Variants in URM1 observed in about 807,000 individuals in gnomAD.
URM1 encodes the protein ubiquitin-related modifier 1.
In URM1, 11 loss-of-function variants were observed where a neutral mutation model predicts 17.7. The ratio of observed to expected loss-of-function variants is 0.62; its 90% CI spans 0.39 to 1.03. The LOEUF is 1.03. Ranked by LOEUF, URM1 falls within the 50% of genes least tolerant of loss-of-function variation. The pLI is 0.00. For synonymous variants in URM1, 48 were observed against 50.6 expected, an observed-to-expected ratio of 0.95 and a Z score of 0.22; for missense variants, 128 against 129.2, an observed-to-expected ratio of 0.99 and a Z score of 0.04.
At chr9:128,377,203 A>G (rs1211272273) in intron 1 of URM1, among the ~76,000 whole-genome samples, 1 of 151,868 alleles carries the variant, frequency 6.6e-6, no homozygotes, top group Non-Finnish European at 1.5e-5. Flanking sequence ...ATTATATCCT[A>G]CCTTGCCACA....
chr9:128,389,923 C>G lies in URM1; in HGVS notation c.*189C>G, dbSNP rs1029714669. 10 of 728,836 alleles carry G rather than the reference C, an allele frequency of 1.4e-5. No individual in the cohort carries two copies. Among genetic ancestry groups the G allele is most frequent in the Non-Finnish European group, 2.0e-5 (9 of 458,538 alleles). The allele number at this position is 728,836 out of a possible 1,614,324, so 45.1% of individuals were successfully genotyped here. On this transcript the variant is annotated 3_prime_UTR_variant, in exon 5 of 5. Transcript: ENST00000372853. ...GAGCCTTTCTCAAGCACGTGAGCAG[C>G]GGAAGGCAGACAGGCGCCAGAGCCC...
chr9:128,389,598 C>T (rs1833278121), intron 4 of URM1, 68 bp from the exon 5 acceptor site: 1 of 1,604,754 alleles, frequency 6.2e-7, no homozygotes, highest in African/African-American at 1.3e-5. Context: ...CCCCTGTTCT[C>T]CCAACTCCTG....
At chr9:128,384,588 T>A (rs1244499827) in intron 2 of URM1, among the ~76,000 whole-genome samples, 1 of 152,136 alleles carries the variant, frequency 6.6e-6, no homozygotes, top group Non-Finnish European at 1.5e-5. Flanking sequence ...CCTTGCCCTC[T>A]AAAGCTGAGG....
intron 2 of URM1, among the ~76,000 whole-genome samples, chr9:128,385,400 C>A (rs1457825921): frequency 6.6e-6 from 1 of 152,152 alleles, no homozygotes; most frequent in South Asian, 2.1e-4. Flanking sequence ...TTCCCTCTTG[C>A]CCACTACCAT....
chr9:128,371,848 G>A (rs953739878), intron 1 of URM1, among the ~76,000 whole-genome samples: 2 of 152,158 alleles, frequency 1.3e-5, no homozygotes, highest in East Asian at 1.9e-4. Flanking sequence ...CTTGTTTCTC[G>A]TGGGATGTAG....
intron 2 of URM1, among the ~76,000 whole-genome samples, chr9:128,380,195 G>A (rs1833140651): frequency 2.0e-5 from 3 of 152,192 alleles, no homozygotes; most frequent in Non-Finnish European, 2.9e-5. Flanking sequence ...GGATTCTTCT[G>A]GAACTGGACA....
intron 1 of URM1, among the ~76,000 whole-genome samples, chr9:128,377,213 A>G (rs1833089796): frequency 6.6e-6 from 1 of 152,018 alleles, no homozygotes; most frequent in Non-Finnish European, 1.5e-5. Flanking sequence ...ACCTTGCCAC[A>G]TTAGAAGTCA....
intron 2 of URM1, among the ~76,000 whole-genome samples, chr9:128,378,895 C>G (rs953047747): frequency 1.4e-4 from 20 of 147,226 alleles, no homozygotes; most frequent in African/African-American, 5.1e-4. Context: ...TTCAGTGAGC[C>G]GAGATCGTGC....
At chr9:128,383,069 T>C (rs1405197874) in intron 2 of URM1, among the ~76,000 whole-genome samples, 2 of 152,114 alleles carry the variant, frequency 1.3e-5, no homozygotes, top group Non-Finnish European at 2.9e-5. Context: ...CTGCAGGAGC[T>C]CCTGGGCGCT....
intron 1 of URM1, among the ~76,000 whole-genome samples, chr9:128,375,038 T>C (rs1434628527): frequency 2.0e-5 from 3 of 152,206 alleles, no homozygotes; most frequent in Non-Finnish European, 4.4e-5. Context: ...AGACTGAAAT[T>C]ATAGTTCAGC....
intron 2 of URM1, among the ~76,000 whole-genome samples, chr9:128,383,244 A>T (rs1833182345): frequency 6.6e-6 from 1 of 152,170 alleles, no homozygotes; most frequent in Admixed American, 6.5e-5. Context: ...GCTTAATTAA[A>T]CAATGAGGAG....
chr9:128,374,120 C>T (rs763487066), intron 1 of URM1, among the ~76,000 whole-genome samples: 1 of 152,108 alleles, frequency 6.6e-6, no homozygotes, highest in Non-Finnish European at 1.5e-5. Context: ...CTTGGTCTCT[C>T]CTGGGCTAGA....
At chr9:128,382,192 G>A (rs545615108) in intron 2 of URM1, among the ~76,000 whole-genome samples, 11 of 152,242 alleles carry the variant, frequency 7.2e-5, no homozygotes, top group African/African-American at 2.6e-4. Context: ...CTCCTTTGCT[G>A]TGAGTCCCTA....
At chr9:128,378,569 A>AAAC (rs1833112810) in intron 2 of URM1, among the ~76,000 whole-genome samples, 1 of 149,648 alleles carries the variant, frequency 6.7e-6, no homozygotes, top group East Asian at 1.9e-4. Flanking sequence ...AAAAAAAAAA[A>AAAC]AAACTTGTTA....
chr9:128,379,475 G>GT (rs1308356558), intron 2 of URM1, among the ~76,000 whole-genome samples: 1 of 146,984 alleles, frequency 6.8e-6, no homozygotes, highest in Non-Finnish European at 1.5e-5. Context: ...GCAAGACTCC[G>GT]TCTCAAAAAA....
intron 3 of URM1, chr9:128,388,886 A>G (rs774738913): frequency 1.1e-5 from 11 of 1,028,340 alleles, no homozygotes; most frequent in Non-Finnish European, 1.3e-5. Flanking sequence ...GGTTACCATG[A>G]CAGTGTGGCA....
At position 128,371,816 on chromosome 9, in the gene URM1, C is replaced by G. The variant is rs115927796; in HGVS notation, c.35+401C>G. On this transcript the variant is annotated intron_variant, in intron 1 of 4. Coordinates refer to ENST00000372853, the MANE Select transcript of URM1 (RefSeq NM_030914.4). Reference sequence around the variant, plus strand: ...GATTTCATTCTTTGGGCAGCAGTTTCTTTTTACACTGTTATTAAGGTCTTG... The same window carrying G: ...GATTTCATTCTTTGGGCAGCAGTTTGTTTTTACACTGTTATTAAGGTCTTG... 1.5e-3 allele frequency among the ~76,000 whole-genome samples: 235 copies of G among 152,304 alleles called. 2 individuals are homozygous for G. The highest frequency in any genetic ancestry group is 5.3e-3 in the African/African-American group (221 of 41,580).
intron 2 of URM1, among the ~76,000 whole-genome samples, chr9:128,380,214 C>T (rs934619174): frequency 1.3e-5 from 2 of 152,160 alleles, no homozygotes; most frequent in African/African-American, 2.4e-5. Context: ...CACACATCTG[C>T]CAGGAATCAA....
chr9:128,378,059 A>C lies in URM1; in HGVS notation c.59A>C (p.Asp20Ala). 1 of 1,611,700 alleles carries C rather than the reference A, an allele frequency of 6.2e-7. No homozygotes were observed. The highest frequency in any genetic ancestry group is 8.5e-7 in the Non-Finnish European group (1 of 1,179,006). Reference sequence around the variant, plus strand: ...AGAGGTGGTGCGGAGCTCCTGTTTGACGGTATTAAGAAACATCGAGTCACT... The same window carrying C: ...AGAGGTGGTGCGGAGCTCCTGTTTGCCGGTATTAAGAAACATCGAGTCACT... ...EFGGGAELLF[D>A]GIKKHRVTLP... Residue 20 changes from aspartate (D) to alanine (A), a missense_variant, in exon 2 of 5, where the codon GAC becomes GCC. Physicochemically the swap from Asp to Ala is moderately radical, Grantham distance 126 (BLOSUM62 -2). Transcript: ENST00000372853.
Sources: allele counts gnomAD v4.1 joint callset (sites outside exome capture counted in the v4.1 genomes callset), GRCh38; gene constraint gnomAD v4.1.1; transcripts MANE v1.5; gene names NCBI Gene and HGNC (gene_info 2026-07-23, HGNC 2026-07-21).